KLHL32: variants seen among roughly 807,000 people sequenced by gnomAD.
The protein encoded by KLHL32 is kelch like family member 32.
KLHL32 carries 35 observed loss-of-function variants against 64.8 expected under a neutral mutation model. That is an observed-to-expected ratio of 0.54 (90% confidence interval 0.41 to 0.72). The LOEUF (loss-of-function observed/expected upper bound fraction) is 0.72, where lower values mean the gene tolerates loss of function less well. Among genes scored for constraint, KLHL32 ranks in the 30% least tolerant of loss-of-function variants. The pLI is 0.00. For missense variants in KLHL32, 589 were observed against 768.5 expected (o/e 0.77, Z 2.76); for synonymous variants, 259 against 281.0 (o/e 0.92, Z 0.78).
chr6:97,045,067 G>T (rs1294474370), intron 4 of KLHL32, among the ~76,000 whole-genome samples: 1 of 152,108 alleles, frequency 6.6e-6, no homozygotes, highest in Non-Finnish European at 1.5e-5. Flanking sequence ...TCTGGAGTTA[G>T]TAGAATTTAA....
intron 1 of KLHL32, among the ~76,000 whole-genome samples, chr6:96,947,779 C>G (rs147715110): frequency 6.6e-6 from 1 of 152,192 alleles, no homozygotes; most frequent in Non-Finnish European, 1.5e-5. Context: ...TTATATTAAT[C>G]ATATTTTATA....
At chr6:97,052,563 G>T (rs1047973881) in intron 4 of KLHL32, among the ~76,000 whole-genome samples, 3 of 152,158 alleles carry the variant, frequency 2.0e-5, no homozygotes, top group African/African-American at 2.4e-5. Flanking sequence ...GCATTCCGGC[G>T]TGCAGGCTGT....
intron 3 of KLHL32, among the ~76,000 whole-genome samples, chr6:97,017,838 A>G (rs1363433369): frequency 6.6e-6 from 1 of 152,164 alleles, no homozygotes; most frequent in Non-Finnish European, 1.5e-5. Flanking sequence ...TTTCTCATCT[A>G]CAAGCCAGAT....
chr6:97,057,185 T>G (rs1788100189), intron 4 of KLHL32, among the ~76,000 whole-genome samples: 2 of 100,362 alleles, frequency 2.0e-5, no homozygotes, highest in Non-Finnish European at 3.7e-5. Flanking sequence ...TTTTTTTTTT[T>G]TTTTTTTTTT....
At chr6:96,928,739 G>A (rs190323150) in intron 1 of KLHL32, among the ~76,000 whole-genome samples, 1 of 151,912 alleles carries the variant, frequency 6.6e-6, no homozygotes. Flanking sequence ...ATTTGGAGTG[G>A]GTAAATATAT....
At chr6:96,958,342 T>G (rs1259625316) in intron 1 of KLHL32, among the ~76,000 whole-genome samples, 1 of 152,088 alleles carries the variant, frequency 6.6e-6, no homozygotes, top group Non-Finnish European at 1.5e-5. Flanking sequence ...AACTGTGACC[T>G]GGGAGGATCA....
At chr6:97,078,742 A>G (rs143684567) in intron 5 of KLHL32, among the ~76,000 whole-genome samples, 38 of 152,352 alleles carry the variant, frequency 2.5e-4, no homozygotes, top group African/African-American at 8.4e-4. Context: ...TGCCTCATCT[A>G]GTTTTAAGAA....
At chr6:97,059,699 T>A (rs939896456) in intron 4 of KLHL32, among the ~76,000 whole-genome samples, 1 of 152,186 alleles carries the variant, frequency 6.6e-6, no homozygotes, top group African/African-American at 2.4e-5. Context: ...AAAACTAGAT[T>A]GGTAGAAATT....
At chr6:97,021,469 G>T (rs1197732187) in intron 3 of KLHL32, among the ~76,000 whole-genome samples, 1 of 150,740 alleles carries the variant, frequency 6.6e-6, no homozygotes, top group African/African-American at 2.5e-5. Flanking sequence ...AGTCAGTAGA[G>T]GGAATCCCCT....
chr6:97,127,505 T>G, intron 8 of KLHL32, 43 bp downstream of exon 8: 1 of 1,464,768 alleles, frequency 6.8e-7, no homozygotes, highest in Non-Finnish European at 9.6e-7. Flanking sequence ...AATTAATGAA[T>G]TTTAAAAGAT....
chr6:96,969,394 C>G (rs1345573386), intron 2 of KLHL32, among the ~76,000 whole-genome samples: 1 of 152,160 alleles, frequency 6.6e-6, no homozygotes, highest in Non-Finnish European at 1.5e-5. Flanking sequence ...CCCATCCAGT[C>G]TTTCCTTTCC....
At chr6:97,108,562 T>C (rs1289863146) in intron 6 of KLHL32, among the ~76,000 whole-genome samples, 1 of 152,222 alleles carries the variant, frequency 6.6e-6, no homozygotes, top group Non-Finnish European at 1.5e-5. Flanking sequence ...AAGTGGCCCA[T>C]TGTTTTGAAT....
intron 3 of KLHL32, among the ~76,000 whole-genome samples, chr6:97,008,159 G>A (rs1562237554): frequency 6.6e-6 from 1 of 152,176 alleles, no homozygotes; most frequent in Non-Finnish European, 1.5e-5. Flanking sequence ...GGGGTTGGGT[G>A]TCAGGGTGTG....
At chr6:97,137,539 CT>C (rs924063302) in intron 10 of KLHL32, among the ~76,000 whole-genome samples, 28 of 150,988 alleles carry the variant, frequency 1.9e-4, no homozygotes, top group African/African-American at 6.6e-4. Flanking sequence ...AAGTTAAAGT[CT>C]TTTTTTTTCC....
chr6:97,019,820 G>A (rs1321246588), intron 3 of KLHL32, among the ~76,000 whole-genome samples: 2 of 151,834 alleles, frequency 1.3e-5, no homozygotes, highest in East Asian at 3.9e-4. Context: ...TCCCTCTGTC[G>A]CCAGGCTGGA....
chr6:97,085,887 C>T (rs17057387), intron 6 of KLHL32, among the ~76,000 whole-genome samples: 2,338 of 152,304 alleles, frequency 0.015, 63 homozygotes, highest in South Asian at 0.057. Context: ...CCTGCCTTTT[C>T]GCCTGACATA....
At chr6:97,057,055 G>A (rs913191695) in intron 4 of KLHL32, among the ~76,000 whole-genome samples, 5 of 151,774 alleles carry the variant, frequency 3.3e-5, no homozygotes, top group Non-Finnish European at 4.4e-5. Context: ...CATCTTTTGG[G>A]TTTGGGGGAC....
chr6:96,952,774 C>A (rs987452213), intron 1 of KLHL32, among the ~76,000 whole-genome samples: 2 of 152,150 alleles, frequency 1.3e-5, no homozygotes, highest in Non-Finnish European at 2.9e-5. Context: ...CAGTTGTTCC[C>A]ATAGATAACA....
chr6:97,020,570 G>C (rs1781852321), intron 3 of KLHL32, among the ~76,000 whole-genome samples: 1 of 150,706 alleles, frequency 6.6e-6, no homozygotes, highest in Non-Finnish European at 1.5e-5. Flanking sequence ...ACATAAACCT[G>C]TTCTAAAGTC....
Sources: allele counts gnomAD v4.1 joint callset (sites outside exome capture counted in the v4.1 genomes callset), GRCh38; gene constraint gnomAD v4.1.1; transcripts MANE v1.5; gene names NCBI Gene and HGNC (gene_info 2026-07-23, HGNC 2026-07-21).